Variants in CTNNA3 observed in about 807,000 individuals in gnomAD.
CTNNA3 encodes catenin alpha-3.
CTNNA3 carries 76 observed loss-of-function variants against 95.7 expected under a neutral mutation model. The observed-to-expected ratio is 0.79, with a 90% CI of 0.66 to 0.96. The LOEUF (loss-of-function observed/expected upper bound fraction) is 0.96, where lower values mean the gene tolerates loss of function less well. CTNNA3 is among the 40% of genes least tolerant of loss of function. CTNNA3 has a pLI of 0.00. For synonymous variants in CTNNA3, 431 were observed against 374.4 expected (o/e 1.15, Z -1.74); for missense variants, 1,191 against 1,089.8 (o/e 1.09, Z -1.31).
intron 11 of CTNNA3, among the ~76,000 whole-genome samples, chr10:66,414,863 C>A (rs77257063): frequency 6.6e-6 from 1 of 152,110 alleles, no homozygotes; most frequent in Non-Finnish European, 1.5e-5. Context: ...GCAAACTGCA[C>A]ACTACCTGAA....
intron 9 of CTNNA3, among the ~76,000 whole-genome samples, chr10:66,707,938 C>A (rs553580979): frequency 1.3e-5 from 2 of 152,060 alleles, no homozygotes; most frequent in African/African-American, 4.8e-5. Flanking sequence ...ACAAAGTGTT[C>A]TGGTGCATTC....
intron 7 of CTNNA3, among the ~76,000 whole-genome samples, chr10:66,965,818 T>TG (rs1849384193): frequency 6.6e-6 from 1 of 152,002 alleles, no homozygotes; most frequent in Non-Finnish European, 1.5e-5. Flanking sequence ...AGCATGCAGA[T>TG]TTTTTTTCTA....
At chr10:67,717,390 C>T (rs980366690) in intron 1 of CTNNA3, among the ~76,000 whole-genome samples, 5 of 152,138 alleles carry the variant, frequency 3.3e-5, no homozygotes, top group Admixed American at 6.5e-5. Context: ...GAAGACTTTG[C>T]TCATGCCTAT....
intron 15 of CTNNA3, among the ~76,000 whole-genome samples, chr10:66,017,734 A>C (rs575313378): frequency 6.6e-6 from 1 of 152,254 alleles, no homozygotes; most frequent in South Asian, 2.1e-4. Flanking sequence ...TTAACCGACA[A>C]AATGCTATGC....
intron 5 of CTNNA3, among the ~76,000 whole-genome samples, chr10:67,399,195 T>C (rs1844825198): frequency 6.6e-6 from 1 of 152,092 alleles, no homozygotes; most frequent in Non-Finnish European, 1.5e-5. Flanking sequence ...ACCCTCCATG[T>C]AGCTTTTATT....
chr10:66,684,745 G>A lies in CTNNA3; in HGVS notation c.1282-62961C>T, dbSNP rs570465601. Among the ~76,000 whole-genome samples the A allele has an allele frequency of 2.0e-5, 3 of 152,136 alleles. No homozygotes were observed. The East Asian group carries it at 5.8e-4, about 29-fold the overall frequency. On this transcript the variant is annotated intron_variant, in intron 9 of 17. Coordinates refer to ENST00000433211, the MANE Select transcript of CTNNA3 (RefSeq NM_013266.4). ...GGAATGTTACTTATAAACATTTCTTGGAAGTCCAAGATAAAATTAAAAACA... is the reference window on the plus strand; with the variant it reads ...GGAATGTTACTTATAAACATTTCTTAGAAGTCCAAGATAAAATTAAAAACA...
At chr10:67,356,082 T>C (rs768159754) in intron 5 of CTNNA3, among the ~76,000 whole-genome samples, 1 of 152,064 alleles carries the variant, frequency 6.6e-6, no homozygotes, top group Non-Finnish European at 1.5e-5. Context: ...ACTAGGTCTC[T>C]GGTCTATGCA....
intron 9 of CTNNA3, among the ~76,000 whole-genome samples, chr10:66,623,087 T>C (rs1844807786): frequency 6.6e-6 from 1 of 152,024 alleles, no homozygotes; most frequent in African/African-American, 2.4e-5. Context: ...ATTAGCACAT[T>C]TGTGAGTTGT....
chr10:67,675,864 T>G, intron 1 of CTNNA3, among the ~76,000 whole-genome samples: 1 of 152,188 alleles, frequency 6.6e-6, no homozygotes, highest in East Asian at 1.9e-4. Context: ...AATTAATTTT[T>G]GCATTAATGT....
chr10:66,560,956 A>G (rs909709574), intron 10 of CTNNA3, among the ~76,000 whole-genome samples: 1 of 152,082 alleles, frequency 6.6e-6, no homozygotes, highest in Non-Finnish European at 1.5e-5. Flanking sequence ...GGATCTACCA[A>G]CACCTTGATC....
At chr10:67,465,435 G>A (rs1847554797) in intron 5 of CTNNA3, among the ~76,000 whole-genome samples, 1 of 152,066 alleles carries the variant, frequency 6.6e-6, no homozygotes, top group Admixed American at 6.6e-5. Context: ...GAAAAGAGAG[G>A]AAAACGATGA....
At chr10:66,828,873 A>G (rs1380982267) in intron 7 of CTNNA3, among the ~76,000 whole-genome samples, 1 of 152,230 alleles carries the variant, frequency 6.6e-6, no homozygotes, top group East Asian at 1.9e-4. Context: ...CAGAGCAGCC[A>G]CAGAGGGCTT....
chr10:66,725,360 A>G (rs1215470169), intron 9 of CTNNA3, among the ~76,000 whole-genome samples: 2 of 152,158 alleles, frequency 1.3e-5, no homozygotes, highest in Non-Finnish European at 2.9e-5. Context: ...TGTAGAGACT[A>G]CAACTCATTT....
Position 67,521,970 on chromosome 10 carries a change from G to GT in CTNNA3, c.460-10_460-9insA, listed in dbSNP as rs780379810. The GT allele has an allele frequency of 6.2e-7, 1 of 1,606,184 alleles. No homozygotes were observed. The highest frequency in any genetic ancestry group is 1.7e-5 in the Admixed American group (1 of 59,014). On this transcript the variant is annotated splice_polypyrimidine_tract_variant and intron_variant, in intron 4 of 17. Coordinates refer to ENST00000433211, the MANE Select transcript of CTNNA3 (RefSeq NM_013266.4). The stretch of plus-strand genomic sequence containing the variant: ...TCAAATGTCCTTTGAAACTGAAATT[G>GT]AAAACAAAAGTAGATCATTAGGATA...
At chr10:66,809,862 T>C (rs1470843294) in intron 7 of CTNNA3, among the ~76,000 whole-genome samples, 1 of 149,842 alleles carries the variant, frequency 6.7e-6, no homozygotes, top group Non-Finnish European at 1.5e-5. Flanking sequence ...TGGAGTACAA[T>C]GGCATGATCT....
At chr10:67,697,053 C>T (rs1272088030), upstream of CTNNA3, among the ~76,000 whole-genome samples, 3 of 152,158 alleles carry the variant, frequency 2.0e-5, no homozygotes, top group Admixed American at 1.3e-4. Flanking sequence ...ATACTCTTAG[C>T]ACAAATTTCA....
At chr10:66,545,577 T>C (rs1158933025) in intron 10 of CTNNA3, among the ~76,000 whole-genome samples, 2 of 151,958 alleles carry the variant, frequency 1.3e-5, no homozygotes, top group Non-Finnish European at 2.9e-5. Context: ...GGTCACAGAG[T>C]GTATTAACTT....
intron 5 of CTNNA3, among the ~76,000 whole-genome samples, chr10:67,423,233 T>C (rs747671636): frequency 3.1e-4 from 47 of 152,250 alleles, no homozygotes; most frequent in Middle Eastern, 3.4e-3. Flanking sequence ...TTTCATCACT[T>C]CATATGACTA....
intron 13 of CTNNA3, among the ~76,000 whole-genome samples, chr10:66,231,742 A>T (rs2089600062): frequency 6.6e-6 from 1 of 151,596 alleles, no homozygotes; most frequent in Non-Finnish European, 1.5e-5. Context: ...ATGCAAAACT[A>T]AATAGACTAG....
Sources: gnomAD v4.1 joint callset for allele counts (sites outside exome capture counted in the v4.1 genomes callset) on GRCh38, gnomAD v4.1.1 for gene constraint, MANE v1.5 for transcripts, NCBI Gene and HGNC (gene_info 2026-07-23, HGNC 2026-07-21) for gene names.